Variants in XKR4 observed in about 807,000 individuals in gnomAD.
XKR4 encodes the protein XK related 4, also known as XK-related protein 4.
In XKR4, 12 loss-of-function variants were observed where a neutral mutation model predicts 53.9. That is an observed-to-expected ratio of 0.22 (90% CI 0.14 to 0.36). The LOEUF is 0.36. Among genes scored for constraint, XKR4 ranks in the 10% least tolerant of loss-of-function variants. The pLI, the probability that XKR4 is intolerant of heterozygous loss-of-function variation, is 1.00. For synonymous variants in XKR4, 354 were observed against 362.4 expected, an observed-to-expected ratio of 0.98 and a Z score of 0.26; for missense variants, 799 against 859.5, an observed-to-expected ratio of 0.93 and a Z score of 0.88.
Position 55,136,666 on chromosome 8 carries a change from C to T in XKR4, c.806+33372C>T, listed in dbSNP as rs1316994761. On this transcript the variant is annotated intron_variant, in intron 1 of 2. Coordinates refer to ENST00000327381, the MANE Select transcript of XKR4 (RefSeq NM_052898.2). ...GCTCCCTAATAACAAATGAATTGTA[C>T]ATCCTCTTTTTACTGTGGGTAAACC... is the stretch of plus-strand genomic sequence containing the variant. 2.6e-5 allele frequency among the ~76,000 whole-genome samples: 4 copies of T among 152,138 alleles called. No individual in the cohort carries two copies. In the South Asian group the frequency reaches 6.2e-4, roughly 24 times the overall value.
intron 1 of XKR4, among the ~76,000 whole-genome samples, chr8:55,134,499 C>T (rs907342413): frequency 6.6e-6 from 1 of 152,196 alleles, no homozygotes; most frequent in Non-Finnish European, 1.5e-5. Flanking sequence ...ATGTTAACTA[C>T]GTTCATTCAT....
chr8:55,425,367 A>C (rs947720353), intron 2 of XKR4, among the ~76,000 whole-genome samples: 1 of 151,802 alleles, frequency 6.6e-6, no homozygotes, highest in East Asian at 1.9e-4. Context: ...CTTCCTTAGA[A>C]TCTGTTCTTG....
chr8:55,504,497 G>A (rs1806495022), intron 2 of XKR4, among the ~76,000 whole-genome samples: 1 of 152,018 alleles, frequency 6.6e-6, no homozygotes, highest in Non-Finnish European at 1.5e-5. Flanking sequence ...TTACAGGCGT[G>A]AGCCACCGTT....
At chr8:55,298,938 G>A (rs972499342) in intron 1 of XKR4, among the ~76,000 whole-genome samples, 8 of 152,138 alleles carry the variant, frequency 5.3e-5, no homozygotes, top group East Asian at 1.9e-4. Flanking sequence ...TGGAACAGTC[G>A]TGTAGTTATC....
intron 2 of XKR4, among the ~76,000 whole-genome samples, chr8:55,443,530 T>A (rs1377255793): frequency 2.7e-4 from 20 of 73,988 alleles, no homozygotes; most frequent in East Asian, 4.3e-4. Flanking sequence ...TCAGTTACAT[T>A]AAAAAAAAAA....
intron 1 of XKR4, among the ~76,000 whole-genome samples, chr8:55,302,664 T>C (rs1819221156): frequency 6.6e-6 from 1 of 152,168 alleles, no homozygotes; most frequent in East Asian, 1.9e-4. Context: ...TATCCTCTTT[T>C]ATTTCCTTGA....
intron 2 of XKR4, among the ~76,000 whole-genome samples, chr8:55,415,488 G>A (rs1804834010): frequency 6.6e-6 from 1 of 152,114 alleles, no homozygotes; most frequent in Non-Finnish European, 1.5e-5. Flanking sequence ...CTCACATTCA[G>A]CAAGCGTTTA....
rs149121707 is a variant in XKR4, at chr8:55,523,594, C to T, written c.1320C>T (p.Ile440=). 1 of 1,614,048 alleles carries T rather than the reference C, an allele frequency of 6.2e-7. No homozygotes were observed. The highest frequency in any genetic ancestry group is 1.3e-5 in the African/African-American group (1 of 74,916). ...TGTTCGACATGGTGGTGGGGATTATCTATATCTTCAGTTGGTTCAATGTCA... is the reference window on the plus strand; with the variant it reads ...TGTTCGACATGGTGGTGGGGATTATTTATATCTTCAGTTGGTTCAATGTCA... ...EIVFDMVVGI[I]YIFSWFNVKE... Residue 440 remains isoleucine, a synonymous_variant, in exon 3 of 3, where the codon ATC becomes ATT. Transcript: ENST00000327381.
At chr8:55,488,663 G>GAGGTTAGGGGGCTGACAAGGAT (rs142653320) in intron 2 of XKR4, among the ~76,000 whole-genome samples, 1 of 63,568 alleles carries the variant, frequency 1.6e-5, no homozygotes, top group Non-Finnish European at 2.9e-5. Flanking sequence ...ATGGTGGCCG[G>GAGGTTAGGGGGCTGACAAGGAT]GCGCGGTGGC....
intron 1 of XKR4, among the ~76,000 whole-genome samples, chr8:55,247,864 T>TCTTTC (rs1440262405): frequency 4.0e-5 from 5 of 126,032 alleles, no homozygotes; most frequent in Admixed American, 2.4e-4. Flanking sequence ...TCTTTTTTTT[T>TCTTTC]TTTTTTTTTT....
intron 2 of XKR4, among the ~76,000 whole-genome samples, chr8:55,436,522 CT>C (rs889294024): frequency 1.8e-4 from 27 of 152,184 alleles, no homozygotes; most frequent in Non-Finnish European, 2.9e-5. Context: ...CCTCAGAAGT[CT>C]TTTTCCATTA....
intron 2 of XKR4, among the ~76,000 whole-genome samples, chr8:55,514,383 A>G (rs2129404968): frequency 6.6e-6 from 1 of 151,558 alleles, no homozygotes; most frequent in Non-Finnish European, 1.5e-5. Context: ...CAGCCTCCCG[A>G]GTAGCTGGGA....
intron 2 of XKR4, chr8:55,450,665 C>A: frequency 1.7e-6 from 1 of 597,294 alleles, no homozygotes; most frequent in South Asian, 1.6e-5. Flanking sequence ...AGTGTGAAGC[C>A]GCTGCTCTGT....
At chr8:55,412,150 T>C (rs1804787176) in intron 2 of XKR4, among the ~76,000 whole-genome samples, 1 of 152,096 alleles carries the variant, frequency 6.6e-6, no homozygotes. Flanking sequence ...CCTGGACTGG[T>C]CACTGAGGGG....
intron 2 of XKR4, among the ~76,000 whole-genome samples, chr8:55,429,452 G>A (rs995210175): frequency 7.9e-5 from 12 of 152,210 alleles, no homozygotes; most frequent in Admixed American, 5.2e-4. Flanking sequence ...GCTCATGCCT[G>A]TAATCCCAGA....
chr8:55,436,566 T>C (rs765697008), intron 2 of XKR4, among the ~76,000 whole-genome samples: 9 of 152,218 alleles, frequency 5.9e-5, no homozygotes, highest in Admixed American at 4.6e-4. Context: ...CCTTGGGCCA[T>C]GCTTTTTCTT....
rs1224963057 is a variant in XKR4 at position 55,243,869 on chromosome 8, A to G, written c.807-113809A>G. On this transcript the variant is annotated intron_variant, in intron 1 of 2. Transcript: ENST00000327381. ...GGATCTCCCTGCATGGTAGCGATGA[A>G]GGATAACCTAGACAGTGCGTGCAAG... is the stretch of plus-strand genomic sequence containing the variant. Among the ~76,000 whole-genome samples the G allele has an allele frequency of 2.0e-5, 3 of 152,250 alleles. No individual in the cohort carries two copies. The East Asian group carries it at 5.8e-4, about 29-fold the overall frequency.
chr8:55,150,156 G>A (rs1458862322), intron 1 of XKR4, among the ~76,000 whole-genome samples: 1 of 152,134 alleles, frequency 6.6e-6, no homozygotes, highest in Non-Finnish European at 1.5e-5. Context: ...TGGGTTATTT[G>A]CTAAAATTGT....
intron 1 of XKR4, among the ~76,000 whole-genome samples, chr8:55,273,098 G>A (rs1032521238): frequency 1.3e-5 from 2 of 151,864 alleles, no homozygotes; most frequent in Admixed American, 6.6e-5. Flanking sequence ...TAGTAAAATA[G>A]GAATAGCATA....
Sources: allele counts gnomAD v4.1 joint callset (sites outside exome capture counted in the v4.1 genomes callset), GRCh38; gene constraint gnomAD v4.1.1; transcripts MANE v1.5; gene names NCBI Gene and HGNC (gene_info 2026-07-23, HGNC 2026-07-21).